Variants in KCNMB2 observed in about 807,000 individuals in gnomAD.
KCNMB2 encodes the protein calcium-activated potassium channel subunit beta-2.
A neutral mutation model predicts 24.5 loss-of-function variants in KCNMB2; 9 were observed. The observed-to-expected ratio is 0.37, with a 90% CI of 0.22 to 0.64. KCNMB2 has a LOEUF of 0.64. Ranked by LOEUF, KCNMB2 falls within the 30% of genes least tolerant of loss-of-function variation. The probability of loss-of-function intolerance (pLI) is 0.63; values close to 1 mark genes in which losing one functional copy is unlikely to be tolerated. For synonymous variants in KCNMB2, 109 were observed against 104.4 expected (o/e 1.04, Z -0.27); for missense variants, 226 against 284.3 (o/e 0.79, Z 1.47).
chr3:178,728,132 T>C (rs1028745069), intron 1 of KCNMB2, among the ~76,000 whole-genome samples: 2 of 152,206 alleles, frequency 1.3e-5, no homozygotes, highest in African/African-American at 4.8e-5. Context: ...GCCTCTGGGA[T>C]AGACTCTGAT....
chr3:178,798,604 C>A (rs1414212835), intron 1 of KCNMB2, among the ~76,000 whole-genome samples: 1 of 152,096 alleles, frequency 6.6e-6, no homozygotes, highest in Non-Finnish European at 1.5e-5. Context: ...TGCCATTATC[C>A]TGAGCAAACT....
intron 4 of KCNMB2, among the ~76,000 whole-genome samples, chr3:178,837,710 C>T (rs1577226876): frequency 6.6e-6 from 1 of 151,988 alleles, no homozygotes; most frequent in African/African-American, 2.4e-5. Flanking sequence ...ATGGACCATG[C>T]CTCATCCATC....
chr3:178,552,187 G>A (rs7634797), intron 1 of KCNMB2, among the ~76,000 whole-genome samples: 28,459 of 152,116 alleles, frequency 0.19, 3,502 homozygotes, highest in African/African-American at 0.36. Context: ...AAGGTTTACA[G>A]ATACGATTCT....
chr3:178,741,274 T>A (rs1181596154), intron 1 of KCNMB2, among the ~76,000 whole-genome samples: 1 of 152,160 alleles, frequency 6.6e-6, no homozygotes, highest in Non-Finnish European at 1.5e-5. Context: ...AAAATGGACA[T>A]AACATCAACT....
chr3:178,726,017 A>C (rs1161712221), intron 1 of KCNMB2, among the ~76,000 whole-genome samples: 1 of 151,130 alleles, frequency 6.6e-6, no homozygotes, highest in Non-Finnish European at 1.5e-5. Flanking sequence ...CTATTCCTTG[A>C]CTTTTTTGGA....
intron 1 of KCNMB2, among the ~76,000 whole-genome samples, chr3:178,805,148 G>A (rs1450877392): frequency 6.6e-6 from 1 of 152,146 alleles, no homozygotes; most frequent in African/African-American, 2.4e-5. Flanking sequence ...AAGAGTAGAT[G>A]TATGAATTCT....
intron 2 of KCNMB2, among the ~76,000 whole-genome samples, chr3:178,814,572 G>T (rs1456901889): frequency 6.6e-6 from 1 of 152,120 alleles, no homozygotes; most frequent in African/African-American, 2.4e-5. Context: ...TTTTCATAGA[G>T]GTTGAACTAA....
chr3:178,758,033 TATATATATCTA>T (rs1724230168), intron 1 of KCNMB2, among the ~76,000 whole-genome samples: 1 of 1,694 alleles, frequency 5.9e-4, no homozygotes, highest in Non-Finnish European at 1.4e-3. Flanking sequence ...AGAGGATATA[TATATATATCTA>T]GATATATATA....
intron 1 of KCNMB2, among the ~76,000 whole-genome samples, chr3:178,704,738 T>A (rs73047891): frequency 6.6e-6 from 1 of 152,188 alleles, no homozygotes; most frequent in East Asian, 1.9e-4. Context: ...CTGGCTTTGT[T>A]AAACTCAACA....
intron 1 of KCNMB2, among the ~76,000 whole-genome samples, chr3:178,553,537 C>CTT (rs78958133): frequency 6.5e-5 from 9 of 139,112 alleles, no homozygotes; most frequent in African/African-American, 1.3e-4. Flanking sequence ...AGAGAGATTC[C>CTT]TTTTTTTTTT....
intron 1 of KCNMB2, among the ~76,000 whole-genome samples, chr3:178,740,919 A>G (rs947522511): frequency 7.9e-5 from 12 of 152,214 alleles, no homozygotes; most frequent in African/African-American, 2.7e-4. Context: ...TTTCCTGAAC[A>G]GCAGACCTGG....
At position 178,579,778 on chromosome 3, in the gene KCNMB2, A is replaced by G. The variant is rs184254382; in HGVS notation, c.-68+43067A>G. On this transcript the variant is annotated intron_variant, in intron 1 of 4. Coordinates refer to ENST00000452583, the MANE Select transcript of KCNMB2 (RefSeq NM_181361.3). Reference sequence around the variant, plus strand: ...ATAAACTAGAAAATCTAGAACAAATAGATAAACTCCTGGACACATATACCC... The same window carrying G: ...ATAAACTAGAAAATCTAGAACAAATGGATAAACTCCTGGACACATATACCC... Among the ~76,000 whole-genome samples, 9 of 152,140 alleles carry G rather than the reference A, an allele frequency of 5.9e-5. No homozygotes were observed. The East Asian group carries it at 1.7e-3, about 29-fold the overall frequency.
At chr3:178,689,528 C>G in intron 1 of KCNMB2, among the ~76,000 whole-genome samples, 1 of 152,046 alleles carries the variant, frequency 6.6e-6, no homozygotes, top group South Asian at 2.1e-4. Context: ...CCCAGCTACT[C>G]AGGAGGCTGA....
chr3:178,651,140 GA>G (rs1720104665), intron 1 of KCNMB2, among the ~76,000 whole-genome samples: 1 of 152,178 alleles, frequency 6.6e-6, no homozygotes, highest in Non-Finnish European at 1.5e-5. Context: ...AAGATGACAT[GA>G]TTGTATATTT....
intron 1 of KCNMB2, among the ~76,000 whole-genome samples, chr3:178,623,327 G>A (rs762031387): frequency 1.1e-4 from 17 of 152,142 alleles, no homozygotes; most frequent in Non-Finnish European, 1.9e-4. Context: ...TTAGCTAAAA[G>A]AAATGTTTGA....
intron 1 of KCNMB2, among the ~76,000 whole-genome samples, chr3:178,549,246 G>A (rs1019878696): frequency 6.6e-6 from 1 of 151,828 alleles, no homozygotes; most frequent in Non-Finnish European, 1.5e-5. Context: ...AGAGAGAAGA[G>A]AGAAAAGAAG....
At position 178,725,884 on chromosome 3, in the gene KCNMB2, C is replaced by A. The variant is rs113857978; in HGVS notation, c.-67-81459C>A. On this transcript the variant is annotated intron_variant, in intron 1 of 4. Transcript: ENST00000452583. ...CATGTAGTTGGTTTATTTTTTTAAT[C>A]CATCTATCCTAACAATCTCTATGTT... is the stretch of plus-strand genomic sequence containing the variant. Among the ~76,000 whole-genome samples the A allele has an allele frequency of 3.1e-3, 463 of 151,738 alleles. 3 individuals are homozygous for A. Among genetic ancestry groups the A allele is most frequent in the African/African-American group, 0.011 (438 of 41,458 alleles).
intron 1 of KCNMB2, among the ~76,000 whole-genome samples, chr3:178,719,144 C>A (rs977068641): frequency 6.6e-6 from 1 of 152,210 alleles, no homozygotes; most frequent in Non-Finnish European, 1.5e-5. Context: ...CAGCTTCTTG[C>A]ATTTTCATCA....
chr3:178,630,947 A>G (rs888827496), intron 1 of KCNMB2, among the ~76,000 whole-genome samples: 1 of 152,212 alleles, frequency 6.6e-6, no homozygotes, highest in Non-Finnish European at 1.5e-5. Context: ...AATTATCTGG[A>G]AAAGTGATTT....
Sources: allele counts gnomAD v4.1 joint callset (sites outside exome capture counted in the v4.1 genomes callset), GRCh38; gene constraint gnomAD v4.1.1; transcripts MANE v1.5; gene names NCBI Gene and HGNC (gene_info 2026-07-23, HGNC 2026-07-21).